The following ZFHX3 variants were observed in gnomAD, a reference collection of about 807,000 sequenced individuals.
ZFHX3 encodes the protein zinc finger homeobox 3.
In ZFHX3, 42 loss-of-function variants were observed where a neutral mutation model predicts 279.1. That is an observed-to-expected ratio of 0.15 (90% CI 0.12 to 0.19). The LOEUF (loss-of-function observed/expected upper bound fraction) is 0.19. ZFHX3 is among the 10% of genes least tolerant of loss of function. The pLI is 1.00. For missense variants in ZFHX3, 4,981 were observed against 4,754.0 expected (o/e 1.05, Z -1.40); for synonymous variants, 2,293 against 1,957.8 (o/e 1.17, Z -4.52).
At chr16:72,812,116 A>G in intron 5 of ZFHX3, 78 bp from the exon 6 acceptor site, 1 of 1,540,516 alleles carries the variant, frequency 6.5e-7, no homozygotes, top group East Asian at 2.3e-5. Flanking sequence ...GGTGAAAATC[A>G]ACATTCATTT....
chr16:73,114,469 A>G (rs1197311057), intron 7 of ZFHX3, among the ~76,000 whole-genome samples: 2 of 151,970 alleles, frequency 1.3e-5, no homozygotes, highest in African/African-American at 2.4e-5. Flanking sequence ...TGAGGCCAGG[A>G]GTTTAAGACC....
intron 1 of ZFHX3, among the ~76,000 whole-genome samples, chr16:73,026,501 G>A (rs895860488): frequency 6.6e-6 from 1 of 151,230 alleles, no homozygotes; most frequent in African/African-American, 2.4e-5. Flanking sequence ...GTGAAACCCT[G>A]TCTCTACTAA....
intron 5 of ZFHX3, among the ~76,000 whole-genome samples, chr16:73,249,735 G>T (rs1205074590): frequency 2.6e-5 from 4 of 151,660 alleles, no homozygotes; most frequent in African/African-American, 9.7e-5. Context: ...TTCTACTGTT[G>T]TATCTTCAGC....
At chr16:73,321,203 A>C (rs2015567355) in intron 3 of ZFHX3, among the ~76,000 whole-genome samples, 1 of 152,060 alleles carries the variant, frequency 6.6e-6, no homozygotes, top group Non-Finnish European at 1.5e-5. Flanking sequence ...GCTCTCTAAA[A>C]TTTTCTAGGG....
chr16:73,127,231 G>T (rs185764186), intron 7 of ZFHX3: 5 of 794,616 alleles, frequency 6.3e-6, no homozygotes, highest in East Asian at 6.5e-5. Flanking sequence ...GTTACACAGC[G>T]GTTAGTATCG....
At chr16:73,024,742 T>G (rs2144659519) in intron 1 of ZFHX3, among the ~76,000 whole-genome samples, 1 of 152,262 alleles carries the variant, frequency 6.6e-6, no homozygotes, top group East Asian at 1.9e-4. Flanking sequence ...TGAAAGTATC[T>G]CAACAGGTTG....
chr16:73,150,265 G>A (rs1055649160), intron 5 of ZFHX3, among the ~76,000 whole-genome samples: 17 of 152,116 alleles, frequency 1.1e-4, no homozygotes, highest in Non-Finnish European at 1.2e-4. Flanking sequence ...TCATCTACTG[G>A]CTGCTAAGAA....
intron 2 of ZFHX3, among the ~76,000 whole-genome samples, chr16:73,563,703 A>G (rs1383589785): frequency 6.6e-6 from 1 of 151,998 alleles, no homozygotes; most frequent in African/African-American, 2.4e-5. Context: ...CTGCCCTTCT[A>G]CCTGTCAAAA....
intron 2 of ZFHX3, among the ~76,000 whole-genome samples, chr16:73,473,373 C>CAAAAAA (rs2018710220): frequency 1.1e-5 from 1 of 90,212 alleles, no homozygotes. Flanking sequence ...AAAAAAAAAA[C>CAAAAAA]AAAATAATAA....
chr16:72,929,257 A>G (rs909915921), intron 3 of ZFHX3, among the ~76,000 whole-genome samples: 1 of 151,040 alleles, frequency 6.6e-6, no homozygotes, highest in African/African-American at 2.4e-5. Context: ...AAAAAAAAAA[A>G]GAGTGAGGTA....
At position 72,957,587 on chromosome 16, in the gene ZFHX3, C is replaced by T. The variant is rs1410850552; in HGVS notation, c.2559G>A (p.Leu853=). 8.1e-6 allele frequency: 13 copies of T among 1,613,570 alleles called. No homozygotes were observed. The highest frequency in any genetic ancestry group is 2.2e-5 in the South Asian group (2 of 91,076). The stretch of plus-strand genomic sequence containing the variant: ...AGAGCTCGGCCTCGGCGGGTGAGGG[C>T]AGGCTGCCGAGGCCCAGGTGGCGGT... ...QHNRHLGLGS[L]PSPAEAELYQ... Residue 853 remains leucine (L), a synonymous_variant, in exon 2 of 10, where the codon CTG becomes CTA. Transcript: ENST00000268489.
intron 3 of ZFHX3, among the ~76,000 whole-genome samples, chr16:73,358,230 C>G (rs916217105): frequency 1.3e-5 from 2 of 152,232 alleles, no homozygotes; most frequent in Non-Finnish European, 2.9e-5. Flanking sequence ...GCAGTCCCCT[C>G]CCCTCGAGTG....
chr16:73,591,328 G>A (rs1020195843), intron 2 of ZFHX3, among the ~76,000 whole-genome samples: 1 of 151,650 alleles, frequency 6.6e-6, no homozygotes, highest in African/African-American at 2.4e-5. Context: ...ACTCCAGCCT[G>A]GGTGACAAAG....
chr16:73,544,693 TC>T (rs1302618216), intron 2 of ZFHX3, among the ~76,000 whole-genome samples: 2 of 152,214 alleles, frequency 1.3e-5, no homozygotes, highest in East Asian at 3.9e-4. Context: ...AAGGAGGGTT[TC>T]GGCAATCCAG....
intron 4 of ZFHX3, among the ~76,000 whole-genome samples, chr16:72,869,071 C>T (rs2038090079): frequency 6.6e-6 from 1 of 152,214 alleles, no homozygotes; most frequent in South Asian, 2.1e-4. Flanking sequence ...CATCTGCTTT[C>T]TCATTCATTT....
At chr16:73,645,887 C>T (rs1297434476) in intron 2 of ZFHX3, among the ~76,000 whole-genome samples, 2 of 152,256 alleles carry the variant, frequency 1.3e-5, no homozygotes, top group East Asian at 3.9e-4. Flanking sequence ...GTGATGGTAA[C>T]TGTACAGGGA....
chr16:73,444,493 T>G (rs975694935), intron 3 of ZFHX3, among the ~76,000 whole-genome samples: 3 of 152,250 alleles, frequency 2.0e-5, no homozygotes, highest in Non-Finnish European at 4.4e-5. Flanking sequence ...CAAGGTCAGA[T>G]AGTTCACACA....
At chr16:73,007,695 G>T (rs1023853138) in intron 1 of ZFHX3, among the ~76,000 whole-genome samples, 1 of 151,916 alleles carries the variant, frequency 6.6e-6, no homozygotes, top group African/African-American at 2.4e-5. Context: ...TCCACCCGCC[G>T]CGGCCTCCCA....
At chr16:73,682,829 A>C (rs2053025343) in intron 1 of ZFHX3, among the ~76,000 whole-genome samples, 1 of 148,186 alleles carries the variant, frequency 6.7e-6, no homozygotes, top group Non-Finnish European at 1.5e-5. Flanking sequence ...AGAGAAAAGG[A>C]GAGAGAGAGA....
Sources: allele counts gnomAD v4.1 joint callset (sites outside exome capture counted in the v4.1 genomes callset), GRCh38; gene constraint gnomAD v4.1.1; transcripts MANE v1.5; gene names NCBI Gene and HGNC (gene_info 2026-07-23, HGNC 2026-07-21).